Variants in FZD3 observed in about 807,000 individuals in gnomAD.
FZD3 encodes frizzled class receptor 3.
Under a neutral mutation model 60.7 loss-of-function variants are expected in FZD3, and 30 were observed. That is an observed-to-expected ratio of 0.49 (90% CI 0.37 to 0.67). FZD3 has a LOEUF of 0.67. FZD3 is among the 30% of genes least tolerant of loss of function. The pLI is 0.00. For synonymous variants in FZD3, 246 were observed against 275.2 expected (o/e 0.89, Z 1.05); for missense variants, 605 against 838.7 (o/e 0.72, Z 3.44).
Position 28,527,563 on chromosome 8 carries a change from T to C in FZD3, c.803T>C (p.Ile268Thr). 1 of 1,614,074 alleles carries C rather than the reference T, an allele frequency of 6.2e-7. No homozygotes were observed. The highest frequency in any genetic ancestry group is 1.3e-5 in the African/African-American group (1 of 75,060). ...GATCGAGTAGCCTGCAATGCATCCA[T>C]CCCTGCACAATATAAGGCTTCCACA... ...LEDRVACNAS[I>T]PAQYKASTVT... The change falls in exon 5 of 8, where the codon ATC becomes ACC. Residue 268 changes from isoleucine (I) to threonine (T), a missense_variant. By Grantham distance (89) the Ile-to-Thr change is moderately conservative (BLOSUM62 -1). Transcript: ENST00000240093. This position sits in a 1 kb window ranked among gnomAD's most constrained non-coding sequence, Gnocchi z 5.0.
At chr8:28,517,145 T>TG (rs1585959917) in intron 3 of FZD3, among the ~76,000 whole-genome samples, 1 of 152,238 alleles carries the variant, frequency 6.6e-6, no homozygotes, top group African/African-American at 2.4e-5. Context: ...AGTTTGTTGA[T>TG]GGCTAATTTT....
In FZD3 at chr8:28,527,802, G is replaced by A. The variant is rs752661059; in HGVS notation, c.1042G>A (p.Ala348Thr). 6.2e-7 allele frequency: 1 copy of A among 1,614,072 alleles called. No individual in the cohort carries two copies. The highest frequency in any genetic ancestry group is 1.7e-5 in the Admixed American group (1 of 60,008). The stretch of plus-strand genomic sequence containing the variant: ...CGGAACTCTAACCATCATCCTTTTA[G>A]CGATGAATAAAATTGAAGGTGACAA... ...IPGTLTIILL[A>T]MNKIEGDNIS... The change falls in exon 5 of 8, where the codon GCG becomes ACG. Residue 348 changes from alanine (A) to threonine (T), a missense_variant. Physicochemically the swap from Ala to Thr is moderately conservative, Grantham distance 58. Transcript: ENST00000240093. This position sits in a 1 kb window ranked among gnomAD's most constrained non-coding sequence, Gnocchi z 5.0.
chr8:28,572,612 T>G lies in FZD3; in HGVS notation c.*9601T>G, dbSNP rs1805826637. ...GTATTAGGTTTGTGCAAACCTAATA[T>G]AAAAGGGTTCATCTGTAAGTATCAT... On this transcript the variant is annotated 3_prime_UTR_variant, in exon 8 of 8. Coordinates refer to ENST00000240093, the MANE Select transcript of FZD3 (RefSeq NM_017412.4). 1 of 152,170 alleles carries G rather than the reference T, an allele frequency of 6.6e-6. No individual in the cohort carries two copies. Among genetic ancestry groups the G allele is most frequent in the African/African-American group, 2.4e-5 (1 of 41,456 alleles). 9.4% of individuals were successfully genotyped at this position (152,170 alleles called of 1,614,324 possible).
chr8:28,551,638 T>C lies in FZD3; in HGVS notation c.1440T>C (p.Phe480=), dbSNP rs1475049742. Residue 480 remains phenylalanine, a synonymous_variant, in exon 6 of 8, where the codon TTT becomes TTC. Coordinates refer to ENST00000240093, the MANE Select transcript of FZD3 (RefSeq NM_017412.4). ...TGAGTCGTCCAGACTTGATTCTCTT[T>C]CTGATGAAATACCTGATGGCTCTCA... ...TQMSRPDLIL[F]LMKYLMALIV... 1 of 1,610,332 alleles carries C rather than the reference T, an allele frequency of 6.2e-7. No individual in the cohort carries two copies. Among genetic ancestry groups the C allele is most frequent in the African/African-American group, 1.3e-5 (1 of 74,868 alleles).
In FZD3 at chr8:28,570,774, A is replaced by C. The variant is rs1224364470; in HGVS notation, c.*7763A>C. The C allele has an allele frequency of 6.6e-6, 1 of 152,152 alleles. No individual in the cohort carries two copies. Among genetic ancestry groups the C allele is most frequent in the African/African-American group, 2.4e-5 (1 of 41,416 alleles). The allele number at this position is 152,152 out of a possible 1,614,324, so 9.4% of individuals were successfully genotyped here. A position where few individuals can be genotyped will look rare whatever the true frequency, so the allele number is the denominator to read the frequency against. ...CATTGTGTTTGCTCTGATTGTCTAC[A>C]TTAGCTCATATCAGTCTTTTGAACA... is the stretch of plus-strand genomic sequence containing the variant. On this transcript the variant is annotated 3_prime_UTR_variant, in exon 8 of 8. Transcript: ENST00000240093.
intron 3 of FZD3, among the ~76,000 whole-genome samples, chr8:28,511,386 T>C (rs1442511731): frequency 6.6e-6 from 1 of 152,010 alleles, no homozygotes; most frequent in Non-Finnish European, 1.5e-5. Flanking sequence ...CTTGGGAGGC[T>C]GAGGCAGGAT....
chr8:28,569,630 A>T lies in FZD3; in HGVS notation c.*6619A>T, dbSNP rs887269153. 6.6e-6 allele frequency: 1 copy of T among 152,140 alleles called. No homozygotes were observed. The highest frequency in any genetic ancestry group is 1.5e-5 in the Non-Finnish European group (1 of 68,014). 9.4% of individuals were successfully genotyped at this position (152,140 alleles called of 1,614,324 possible). A position where few individuals can be genotyped will look rare whatever the true frequency, so the allele number is the denominator to read the frequency against. Reference sequence around the variant, plus strand: ...CGTCATTTACATGTAAATTGATGGGATTCAGATATTTTATCAACTGTTTTT... The same window carrying T: ...CGTCATTTACATGTAAATTGATGGGTTTCAGATATTTTATCAACTGTTTTT... On this transcript the variant is annotated 3_prime_UTR_variant, in exon 8 of 8. Coordinates refer to ENST00000240093, the MANE Select transcript of FZD3 (RefSeq NM_017412.4).
At chr8:28,521,862 GTTA>G (rs1218161703) in intron 4 of FZD3, among the ~76,000 whole-genome samples, 1 of 151,908 alleles carries the variant, frequency 6.6e-6, no homozygotes, top group Non-Finnish European at 1.5e-5. Flanking sequence ...CCAGATTTTT[GTTA>G]TTATAAGTAA....
intron 3 of FZD3, among the ~76,000 whole-genome samples, chr8:28,511,262 C>T (rs1266333585): frequency 6.6e-6 from 1 of 151,754 alleles, no homozygotes; most frequent in Non-Finnish European, 1.5e-5. Context: ...CCGAGGCAGG[C>T]GGATCACGAG....
rs75454446 is a variant in FZD3 at position 28,509,504 on chromosome 8, T to C, written c.189+6302T>C. On this transcript the variant is annotated intron_variant, in intron 3 of 7. Coordinates refer to ENST00000240093, the MANE Select transcript of FZD3 (RefSeq NM_017412.4). ...ATTGTGGTAAGATATGCATAATACA[T>C]TTAAGTAACATAATTACAATTCCAT... 4.7e-3 allele frequency among the ~76,000 whole-genome samples: 719 copies of C among 152,260 alleles called. 26 individuals carry two copies. The East Asian group carries it at 0.091, about 19-fold the overall frequency.
chr8:28,515,600 C>T (rs969019099), intron 3 of FZD3, among the ~76,000 whole-genome samples: 5 of 152,186 alleles, frequency 3.3e-5, no homozygotes, highest in Admixed American at 1.3e-4. Flanking sequence ...TATGCATGCT[C>T]ACTTGACGCA....
chr8:28,504,501 TAAG>T (rs1359552869), intron 3 of FZD3, among the ~76,000 whole-genome samples: 2 of 152,218 alleles, frequency 1.3e-5, no homozygotes, highest in Non-Finnish European at 2.9e-5. Context: ...AATAGGTTAA[TAAG>T]AAGCAGGTCA....
intron 4 of FZD3, among the ~76,000 whole-genome samples, chr8:28,522,126 A>G (rs887710900): frequency 1.6e-4 from 22 of 138,410 alleles, no homozygotes; most frequent in African/African-American, 6.1e-4. Context: ...TTTTTTTGAG[A>G]TGGAATCTCA....
At chr8:28,560,177 A>C (rs1362730229) in intron 7 of FZD3, among the ~76,000 whole-genome samples, 1 of 152,192 alleles carries the variant, frequency 6.6e-6, no homozygotes, top group African/African-American at 2.4e-5. Flanking sequence ...ACTCAAAAAG[A>C]GTAAATCATC....
chr8:28,530,142 T>TGTGTGTGTG, intron 5 of FZD3, among the ~76,000 whole-genome samples: 7 of 110,244 alleles, frequency 6.3e-5, no homozygotes, highest in East Asian at 2.5e-4. Context: ...TGTGTGTGTG[T>TGTGTGTGTG]TGGGGGGGAT....
chr8:28,533,670 C>T (rs1348116025), intron 5 of FZD3, among the ~76,000 whole-genome samples: 1 of 152,080 alleles, frequency 6.6e-6, no homozygotes, highest in Non-Finnish European at 1.5e-5. Flanking sequence ...TTGTTCTTCA[C>T]AGAAAGGTCC....
rs1308117331 is a variant in FZD3, at chr8:28,566,598, G to A, written c.*3587G>A. On this transcript the variant is annotated 3_prime_UTR_variant, in exon 8 of 8. Coordinates refer to ENST00000240093, the MANE Select transcript of FZD3 (RefSeq NM_017412.4). ...CTCAAACTGTACCCATCTTAGTTAG[G>A]CTATATCTCTGTGAAATGAAAGGAA... 6.6e-6 allele frequency: 1 copy of A among 152,006 alleles called. No homozygotes were observed. Among genetic ancestry groups the A allele is most frequent in the African/African-American group, 2.4e-5 (1 of 41,398 alleles). 9.4% of individuals were successfully genotyped at this position (152,006 alleles called of 1,614,324 possible).
At chr8:28,547,020 G>A (rs1805311021) in intron 5 of FZD3, among the ~76,000 whole-genome samples, 1 of 151,908 alleles carries the variant, frequency 6.6e-6, no homozygotes, top group Admixed American at 6.6e-5. Flanking sequence ...AGCTACGAAA[G>A]TATATGGGAA....
intron 3 of FZD3, among the ~76,000 whole-genome samples, chr8:28,511,001 C>G (rs565790850): frequency 4.0e-5 from 6 of 151,746 alleles, no homozygotes; most frequent in Admixed American, 3.9e-4. Context: ...CATGCCACTG[C>G]ACTCCAGCCT....
Sources: gnomAD v4.1 joint callset for allele counts (sites outside exome capture counted in the v4.1 genomes callset) on GRCh38, gnomAD v4.1.1 for gene constraint, Gnocchi (gnomAD v3.1) non-coding constraint, MANE v1.5 for transcripts, NCBI Gene and HGNC (gene_info 2026-07-23, HGNC 2026-07-21) for gene names.